Variants in TTC19 observed in about 807,000 individuals in gnomAD.
TTC19 encodes tetratricopeptide repeat domain 19.
A neutral mutation model predicts 49.5 loss-of-function variants in TTC19; 38 were observed. That is an observed-to-expected ratio of 0.77 (90% CI 0.59 to 1.01). The LOEUF is 1.01. Among genes scored for constraint, TTC19 ranks in the 50% least tolerant of loss-of-function variants. The pLI, the probability that TTC19 is intolerant of heterozygous loss-of-function variation, is 0.00. For synonymous variants in TTC19, 204 were observed against 185.2 expected (o/e 1.10, Z -0.83); for missense variants, 475 against 477.7 (o/e 0.99, Z 0.05).
chr17:16,000,765 T>C (rs896192964), intron 2 of TTC19, among the ~76,000 whole-genome samples: 2 of 152,180 alleles, frequency 1.3e-5, no homozygotes, highest in Non-Finnish European at 2.9e-5. Context: ...TTCCATTCTG[T>C]AGTGTGCTAC....
intron 4 of TTC19, 135 bp from the exon 5 acceptor site, chr17:16,003,696 G>T (rs1021265899): frequency 5.1e-6 from 4 of 783,302 alleles, no homozygotes; most frequent in Admixed American, 2.2e-5. Flanking sequence ...TTTTCTGTGT[G>T]TGAGTGTGCG....
chr17:16,040,725 G>A (rs1372889048), intron 2 of TTC19: 5 of 556,084 alleles, frequency 9.0e-6, no homozygotes, highest in South Asian at 1.7e-5. Flanking sequence ...AGGTAAGGTA[G>A]GAACATCAAA....
intron 7 of TTC19, among the ~76,000 whole-genome samples, chr17:16,007,152 C>G (rs1970935168): frequency 6.6e-6 from 1 of 152,192 alleles, no homozygotes; most frequent in African/African-American, 2.4e-5. Flanking sequence ...CAGCAGTCAA[C>G]TCTTCTGTAC....
intron 2 of TTC19, chr17:16,039,741 C>T (rs562298609): frequency 3.6e-5 from 43 of 1,194,044 alleles, no homozygotes; most frequent in South Asian, 1.5e-4. Flanking sequence ...CCACTGAATA[C>T]ACACAGCACT....
chr17:16,000,066 C>T (rs1970669021), intron 1 of TTC19, 34 bp downstream of exon 1: 2 of 1,316,994 alleles, frequency 1.5e-6, no homozygotes, highest in Non-Finnish European at 1.9e-6. Context: ...GCCGGCCGGG[C>T]GGGGACAGGG....
intron 7 of TTC19, among the ~76,000 whole-genome samples, chr17:16,021,635 G>GA (rs1394415544): frequency 1.3e-5 from 2 of 152,020 alleles, no homozygotes; most frequent in Non-Finnish European, 2.9e-5. Context: ...ATTTGTGAGG[G>GA]AAAAAAATTA....
intron 2 of TTC19, chr17:16,040,532 A>T: frequency 1.3e-6 from 2 of 1,546,346 alleles, no homozygotes; most frequent in Non-Finnish European, 1.8e-6. Flanking sequence ...TTAAGATGTG[A>T]TAATCATATA....
At position 16,004,196 on chromosome 17, in the gene TTC19, C is replaced by T. The variant is rs372027477; in HGVS notation, c.520-5C>T. ...TGAGTTCCCTTCATTCTCTTTCTCTCACAGGAGGACAATGCAATAATTGAA... is the reference window on the plus strand; with the variant it reads ...TGAGTTCCCTTCATTCTCTTTCTCTTACAGGAGGACAATGCAATAATTGAA... On this transcript the variant is annotated splice_polypyrimidine_tract_variant and splice_region_variant and intron_variant, in intron 5 of 9. Transcript: ENST00000261647. 1 of 1,613,906 alleles carries T rather than the reference C, an allele frequency of 6.2e-7. No homozygotes were observed. The highest frequency in any genetic ancestry group is 2.2e-5 in the East Asian group (1 of 44,888).
chr17:16,017,765 CAACAA>C (rs2151668755), intron 7 of TTC19, among the ~76,000 whole-genome samples: 1 of 152,260 alleles, frequency 6.6e-6, no homozygotes, highest in Admixed American at 6.5e-5. Context: ...CCATCTCAAA[CAACAA>C]AACAAAACAA....
At chr17:16,026,190 G>T (rs1971551267) in intron 8 of TTC19, among the ~76,000 whole-genome samples, 1 of 152,190 alleles carries the variant, frequency 6.6e-6, no homozygotes, top group Non-Finnish European at 1.5e-5. Context: ...ACCATAGGAG[G>T]CTGGCTTCTC....
intron 7 of TTC19, among the ~76,000 whole-genome samples, chr17:16,019,965 TAAA>T (rs765337283): frequency 8.9e-6 from 1 of 112,320 alleles, no homozygotes; most frequent in African/African-American, 3.2e-5. Context: ...CATCTCTACT[TAAA>T]AAAAAAAAAA....
chr17:16,025,268 G>A, intron 8 of TTC19, 97 bp downstream of exon 8: 1 of 1,303,514 alleles, frequency 7.7e-7, no homozygotes, highest in Non-Finnish European at 1.1e-6. Flanking sequence ...ATCAGCAGAT[G>A]GTCCTAGATC....
chr17:16,039,522 G>A (rs1156621444), intron 2 of TTC19: 1 of 1,613,894 alleles, frequency 6.2e-7, no homozygotes, highest in East Asian at 2.2e-5. Flanking sequence ...TACTCCCATA[G>A]GCTGGGACAT....
chr17:16,039,665 A>G (rs371914465), intron 2 of TTC19: 1 of 1,606,774 alleles, frequency 6.2e-7, no homozygotes, highest in African/African-American at 1.3e-5. Context: ...CTGAAAGAGA[A>G]TCAAAAACAT....
intron 4 of TTC19, among the ~76,000 whole-genome samples, 171 bp downstream of exon 4, chr17:16,003,002 A>G (rs1970788165): frequency 6.6e-6 from 1 of 152,234 alleles, no homozygotes; most frequent in African/African-American, 2.4e-5. Flanking sequence ...GATAGGCTAA[A>G]GACTGAAGGC....
At chr17:16,007,880 T>C (rs1345683785) in intron 7 of TTC19, among the ~76,000 whole-genome samples, 1 of 152,254 alleles carries the variant, frequency 6.6e-6, no homozygotes, top group Non-Finnish European at 1.5e-5. Context: ...GAGGGATCAC[T>C]GTACACCAAT....
At chr17:16,004,572 G>T (rs1367103124) in intron 6 of TTC19, among the ~76,000 whole-genome samples, 2 of 152,164 alleles carry the variant, frequency 1.3e-5, no homozygotes, top group Non-Finnish European at 2.9e-5. Flanking sequence ...CCTAGAAGAG[G>T]AAAGAGCAGT....
chr17:16,012,872 TAAG>T (rs1435594807), intron 7 of TTC19, among the ~76,000 whole-genome samples: 2 of 152,142 alleles, frequency 1.3e-5, no homozygotes, highest in East Asian at 1.9e-4. Flanking sequence ...CTGTGTCCCT[TAAG>T]AAGATGTCAT....
chr17:16,033,759 T>C (rs561548026), downstream of TTC19, among the ~76,000 whole-genome samples: 2 of 152,298 alleles, frequency 1.3e-5, no homozygotes, highest in African/African-American at 4.8e-5. Context: ...TGGAGTATTG[T>C]TTTTCATCAG....
Sources: gnomAD v4.1 joint callset for allele counts (sites outside exome capture counted in the v4.1 genomes callset) on GRCh38, gnomAD v4.1.1 for gene constraint, MANE v1.5 for transcripts, NCBI Gene and HGNC (gene_info 2026-07-23, HGNC 2026-07-21) for gene names.